ITGA11: variants seen among roughly 807,000 people sequenced by gnomAD.
The protein encoded by ITGA11 is integrin subunit alpha 11.
ITGA11 carries 97 observed loss-of-function variants against 141.9 expected under a neutral mutation model. That is an observed-to-expected ratio of 0.68 (90% CI 0.58 to 0.81). The LOEUF (loss-of-function observed/expected upper bound fraction) is 0.81. ITGA11 is among the 30% of genes least tolerant of loss of function. ITGA11 has a pLI of 0.00. For missense variants in ITGA11, 1,387 were observed against 1,559.2 expected, an observed-to-expected ratio of 0.89 and a Z score of 1.86; for synonymous variants, 658 against 624.6, an observed-to-expected ratio of 1.05 and a Z score of -0.80.
At chr15:68,361,836 A>C in intron 4 of ITGA11, 132 bp from the exon 5 acceptor site, 1 of 634,794 alleles carries the variant, frequency 1.6e-6, no homozygotes, top group South Asian at 1.9e-5. Context: ...GGGGTGAGGG[A>C]TCTTCTTTGG....
In ITGA11 at chr15:68,313,842, T is replaced by C. The variant is rs1893479615; in HGVS notation, c.2819A>G (p.Lys940Arg). The C allele has an allele frequency of 6.2e-7, 1 of 1,613,976 alleles. No homozygotes were observed. The change falls in exon 23 of 30, where the codon AAG (lysine) becomes AGG (arginine). Residue 940 changes from lysine (K) to arginine (R), a missense_variant. Coordinates refer to ENST00000315757, the MANE Select transcript of ITGA11 (RefSeq NM_001004439.2). ...GCGTAAGGGGGCCACGTTGTCTTCC[T>C]TGGTGCTGTCCCGCTCATTACTGTC... ...GSDSNERDST[K>R]EDNVAPLRFH... is the part of the protein sequence containing the mutation.
Position 68,321,489 on chromosome 15 carries a change from G to T in ITGA11, c.2337C>A (p.Asn779Lys), listed in dbSNP as rs377462191. 1 of 1,594,880 alleles carries T rather than the reference G, an allele frequency of 6.3e-7. No individual in the cohort carries two copies. Residue 779 changes from asparagine (N) to lysine (K), a missense_variant, in exon 19 of 30, where the codon AAC (asparagine) becomes AAA (lysine). By Grantham distance (94) the Asn-to-Lys change is moderately conservative. Coordinates refer to ENST00000315757, the MANE Select transcript of ITGA11 (RefSeq NM_001004439.2). This position sits in a 1 kb window ranked among gnomAD's most constrained non-coding sequence, Gnocchi z 4.9. Reference sequence around the variant, plus strand: ...CACAGTGCTCATCCTCATTGCAGCCGTTCCAGAAGGGCACCTGGGCCAGGG... The same window carrying T: ...CACAGTGCTCATCCTCATTGCAGCCTTTCCAGAAGGGCACCTGGGCCAGGG... ...TTLRVSVPFWNGCNEDEHCVP... is the reference protein window; with the variant it reads ...TTLRVSVPFWKGCNEDEHCVP...
chr15:68,364,164 C>A (rs1225731559), intron 4 of ITGA11, among the ~76,000 whole-genome samples: 2 of 152,226 alleles, frequency 1.3e-5, no homozygotes, highest in Non-Finnish European at 2.9e-5. Context: ...CAGAAACCTC[C>A]TCCAGCCTTC....
Position 68,400,885 on chromosome 15 carries a change from AAATATTAT to A in ITGA11, c.164+2025_164+2032del, listed in dbSNP as rs1207432433. Among the ~76,000 whole-genome samples the A allele has an allele frequency of 5.3e-4, 46 of 86,322 alleles. 8 individuals carry two copies. The highest frequency in any genetic ancestry group is 7.9e-4 in the Non-Finnish European group (39 of 49,418). 56.6% of individuals were successfully genotyped at this position (86,322 alleles called of 152,430 possible). A position where few individuals can be genotyped will look rare whatever the true frequency, so the allele number is the denominator to read the frequency against. On this transcript the variant is annotated intron_variant, in intron 2 of 29. Transcript: ENST00000315757. ...AATATAATATTATATATTATATAAT[AAATATTAT>A]AATATTATATATTATATAATAAATA...
Position 68,325,129 on chromosome 15 carries a change from A to T in ITGA11, c.2322+2T>A. 1 of 1,611,364 alleles carries T rather than the reference A, an allele frequency of 6.2e-7. No individual in the cohort carries two copies. The highest frequency in any genetic ancestry group is 8.5e-7 in the Non-Finnish European group (1 of 1,177,662). ...AGGTGCGTGCCCTGTACCGAGATGTACCGAGACTCTGAGAGTGGTGGGCCA... is the reference window on the plus strand; with the variant it reads ...AGGTGCGTGCCCTGTACCGAGATGTTCCGAGACTCTGAGAGTGGTGGGCCA... On this transcript the variant is annotated splice_donor_variant, in intron 18 of 29. Coordinates refer to ENST00000315757, the MANE Select transcript of ITGA11 (RefSeq NM_001004439.2). LOFTEE classifies it high-confidence loss of function. The surrounding 1 kb of genome is among the most constrained non-coding windows in gnomAD (Gnocchi z 5.5).
intron 2 of ITGA11, among the ~76,000 whole-genome samples, chr15:68,390,029 C>T (rs932584152): frequency 3.3e-5 from 5 of 152,164 alleles, no homozygotes; most frequent in Non-Finnish European, 7.4e-5. Flanking sequence ...TCTGAAAATA[C>T]ACAAGGGCTT....
At chr15:68,331,160 G>A (rs1894145459) in intron 14 of ITGA11, 49 bp from the exon 15 acceptor site, 2 of 1,522,532 alleles carry the variant, frequency 1.3e-6, no homozygotes, top group East Asian at 2.4e-5. Flanking sequence ...TGTGAGTGTG[G>A]GGGCGGGCGT....
At chr15:68,316,520 C>G (rs1052263198) in intron 21 of ITGA11, among the ~76,000 whole-genome samples, 2 of 152,218 alleles carry the variant, frequency 1.3e-5, no homozygotes, top group Admixed American at 1.3e-4. Context: ...CACTCCAGAG[C>G]TCCTGGGTTT....
intron 2 of ITGA11, among the ~76,000 whole-genome samples, chr15:68,376,701 G>T (rs750031908): frequency 2.0e-5 from 3 of 152,234 alleles, no homozygotes; most frequent in East Asian, 1.9e-4. Flanking sequence ...GCAGGGGAAG[G>T]CAAGGTCATT....
chr15:68,426,483 G>A (rs1244398470), intron 1 of ITGA11, among the ~76,000 whole-genome samples: 1 of 151,946 alleles, frequency 6.6e-6, no homozygotes, highest in Admixed American at 6.5e-5. Context: ...GAGAGGGAGA[G>A]ACGTTCTCAC....
At chr15:68,381,639 T>A (rs1242047278) in intron 2 of ITGA11, among the ~76,000 whole-genome samples, 1 of 151,784 alleles carries the variant, frequency 6.6e-6, no homozygotes, top group East Asian at 1.9e-4. Flanking sequence ...CACTGCAACC[T>A]CCACCTCCCG....
In ITGA11 at chr15:68,315,646, C is replaced by T. The variant is rs1893546952; in HGVS notation, c.2792+5G>A. The T allele has an allele frequency of 6.2e-6, 10 of 1,611,196 alleles. No individual in the cohort carries two copies. Among genetic ancestry groups the T allele is most frequent in the African/African-American group, 1.3e-5 (1 of 74,904 alleles). ...TTGGGGAGAAGGAGCAGGCACGGCC[C>T]TGACCTGCCTGCAGCGAGCTCGATC... is the stretch of plus-strand genomic sequence containing the variant. On this transcript the variant is annotated splice_donor_5th_base_variant and intron_variant, in intron 22 of 29. Transcript: ENST00000315757.
chr15:68,372,452 C>G (rs1235907050), intron 2 of ITGA11, among the ~76,000 whole-genome samples: 1 of 152,218 alleles, frequency 6.6e-6, no homozygotes. Flanking sequence ...CCCCAAAGGT[C>G]GTGGCGAGCA....
At chr15:68,422,716 C>T (rs549620355) in intron 1 of ITGA11, among the ~76,000 whole-genome samples, 7 of 152,308 alleles carry the variant, frequency 4.6e-5, no homozygotes, top group African/African-American at 1.2e-4. Flanking sequence ...GCACACACTC[C>T]GGCATCCTGC....
At chr15:68,414,211 C>A (rs532038182) in intron 1 of ITGA11, among the ~76,000 whole-genome samples, 1 of 152,156 alleles carries the variant, frequency 6.6e-6, no homozygotes, top group Non-Finnish European at 1.5e-5. Context: ...TCAAAACTTG[C>A]GGACACCAGG....
At chr15:68,363,827 C>T (rs923880911) in intron 4 of ITGA11, among the ~76,000 whole-genome samples, 7 of 152,188 alleles carry the variant, frequency 4.6e-5, no homozygotes, top group African/African-American at 1.7e-4. Context: ...ATTGTGCCGC[C>T]CACACTCACT....
At chr15:68,389,916 C>T (rs1202804636) in intron 2 of ITGA11, among the ~76,000 whole-genome samples, 3 of 152,200 alleles carry the variant, frequency 2.0e-5, no homozygotes, top group Admixed American at 6.5e-5. Context: ...CAGAGAGGCC[C>T]TCTGCAAGCC....
chr15:68,426,951 G>C (rs1285947440), intron 1 of ITGA11, among the ~76,000 whole-genome samples: 1 of 148,780 alleles, frequency 6.7e-6, no homozygotes, highest in Non-Finnish European at 1.5e-5. Flanking sequence ...GGAGGTGGAG[G>C]TTGCAATGAG....
intron 20 of ITGA11, among the ~76,000 whole-genome samples, chr15:68,319,406 G>T (rs1055535889): frequency 2.0e-5 from 3 of 152,268 alleles, no homozygotes; most frequent in African/African-American, 7.2e-5. Context: ...CCAAGTGGGA[G>T]CAGGAGCCTG....
Sources: gnomAD v4.1 joint callset for allele counts (sites outside exome capture counted in the v4.1 genomes callset) on GRCh38, gnomAD v4.1.1 for gene constraint, Gnocchi (gnomAD v3.1) non-coding constraint, MANE v1.5 for transcripts, NCBI Gene and HGNC (gene_info 2026-07-23, HGNC 2026-07-21) for gene names.